PCDHA11: variants seen among roughly 807,000 people sequenced by gnomAD.
PCDHA11 encodes protocadherin alpha 11.
A neutral mutation model predicts 70.3 loss-of-function variants in PCDHA11; 61 were observed. The ratio of observed to expected loss-of-function variants is 0.87; its 90% CI spans 0.71 to 1.07. The LOEUF (loss-of-function observed/expected upper bound fraction) is 1.07. PCDHA11 is among the 50% of genes least tolerant of loss of function. The pLI is 0.00. For missense variants in PCDHA11, 1,324 were observed against 1,237.5 expected (o/e 1.07, Z -1.05); for synonymous variants, 633 against 555.1 (o/e 1.14, Z -1.97).
At chr5:140,969,235 A>G (rs781795606) in intron 1 of PCDHA11, 2 of 1,614,206 alleles carry the variant, frequency 1.2e-6, no homozygotes, top group Non-Finnish European at 1.7e-6. Flanking sequence ...CGGGAGCCCA[A>G]GCAGCAGTGA....
chr5:140,882,539 G>A (rs1303287274), intron 1 of PCDHA11: 2 of 1,614,110 alleles, frequency 1.2e-6, no homozygotes, highest in African/African-American at 2.7e-5. Flanking sequence ...TTCTCGGATC[G>A]ACCGCGAGGA....
chr5:140,997,123 A>T (rs1409528818), intron 3 of PCDHA11, among the ~76,000 whole-genome samples: 1 of 152,070 alleles, frequency 6.6e-6, no homozygotes, highest in African/African-American at 2.4e-5. Flanking sequence ...TCCCACATAC[A>T]CAATGCCCCC....
At position 140,873,044 on chromosome 5, in the gene PCDHA11, A is replaced by T. The variant is rs115529200; in HGVS notation, c.2391+1550A>T. Among the ~76,000 whole-genome samples, 1,019 of 152,290 alleles carry T rather than the reference A, an allele frequency of 6.7e-3. 5 individuals are homozygous for T. Among genetic ancestry groups the T allele is most frequent in the Admixed American group, 0.012 (189 of 15,302 alleles). On this transcript the variant is annotated intron_variant, in intron 1 of 3. Coordinates refer to ENST00000398640, the MANE Select transcript of PCDHA11 (RefSeq NM_018902.5). ...TTCTTACTACACGTAGAGTGGTGGT[A>T]TTACAGACTTTCTTGAGAATCATAT...
In PCDHA11 at chr5:140,869,570, G is replaced by A; in HGVS notation, c.467G>A (p.Gly156Glu). Reference sequence around the variant, plus strand: ...TCGGACTCGCGTTTTCCACTAGAGGGAGCTTCTGATGCTGACATTGAAGAG... The same window carrying A: ...TCGGACTCGCGTTTTCCACTAGAGGAAGCTTCTGATGCTGACATTGAAGAG... ...KQSDSRFPLE[G>E]ASDADIEENA... Residue 156 changes from glycine to glutamate, a missense_variant, in exon 1 of 4, where the codon GGA (glycine) becomes GAA (glutamate). By Grantham distance (98) the Gly-to-Glu change is moderately conservative (BLOSUM62 -2). Coordinates refer to ENST00000398640, the MANE Select transcript of PCDHA11 (RefSeq NM_018902.5). 6.2e-7 allele frequency: 1 copy of A among 1,614,148 alleles called. No individual in the cohort carries two copies.
intron 1 of PCDHA11, among the ~76,000 whole-genome samples, chr5:140,890,695 A>T (rs1196447488): frequency 6.6e-6 from 1 of 152,200 alleles, no homozygotes; most frequent in Non-Finnish European, 1.5e-5. Context: ...AAATGCAGGG[A>T]CCTTACATTT....
chr5:140,871,017 G>C lies in PCDHA11; in HGVS notation c.1914G>C (p.Glu638Asp). 2 of 1,613,298 alleles carry C rather than the reference G, an allele frequency of 1.2e-6. No homozygotes were observed. Among genetic ancestry groups the C allele is most frequent in the Non-Finnish European group, 8.5e-7 (1 of 1,179,846 alleles). ...GEISTTRALD[E>D]ADSPRHRLLV... ...TAAGCACAACGCGTGCCCTGGACGA[G>C]GCAGACTCGCCGCGCCACCGACTTC... The change falls in exon 1 of 4, where the codon GAG becomes GAC. Residue 638 changes from glutamate to aspartate, a missense_variant. Coordinates refer to ENST00000398640, the MANE Select transcript of PCDHA11 (RefSeq NM_018902.5).
intron 1 of PCDHA11, chr5:140,875,344 A>C: frequency 6.9e-7 from 1 of 1,442,996 alleles, no homozygotes; most frequent in Non-Finnish European, 9.1e-7. Flanking sequence ...TCGACTCCAT[A>C]ATGACTGTGA....
At chr5:140,993,107 A>G (rs2097540621) in intron 3 of PCDHA11, among the ~76,000 whole-genome samples, 1 of 152,218 alleles carries the variant, frequency 6.6e-6, no homozygotes, top group South Asian at 2.1e-4. Context: ...TTCAGCGGTC[A>G]GTGTCACATC....
intron 1 of PCDHA11, chr5:140,928,814 A>T (rs782622875): frequency 5.6e-6 from 9 of 1,614,150 alleles, no homozygotes; most frequent in Non-Finnish European, 7.6e-6. Context: ...GTTCGGGACC[A>T]TGGAGACCCA....
chr5:140,966,945 A>G, intron 1 of PCDHA11: 1 of 1,603,804 alleles, frequency 6.2e-7, no homozygotes, highest in Non-Finnish European at 8.5e-7. Flanking sequence ...CTCGTGGGCA[A>G]CGTGGCTCGC....
intron 3 of PCDHA11, among the ~76,000 whole-genome samples, chr5:140,983,513 CTG>C (rs1165213074): frequency 6.6e-6 from 1 of 152,196 alleles, no homozygotes; most frequent in Non-Finnish European, 1.5e-5. Context: ...TGCCTAGACA[CTG>C]TGCCAAGTAC....
chr5:140,947,920 A>G (rs1336638527), intron 1 of PCDHA11, among the ~76,000 whole-genome samples: 1 of 151,504 alleles, frequency 6.6e-6, no homozygotes, highest in African/African-American at 2.4e-5. Context: ...TCTTGCCTTA[A>G]CCCTGATCTT....
At chr5:140,900,100 A>G (rs1453942019) in intron 1 of PCDHA11, among the ~76,000 whole-genome samples, 1 of 152,162 alleles carries the variant, frequency 6.6e-6, no homozygotes, top group African/African-American at 2.4e-5. Flanking sequence ...ATGCGCCACC[A>G]TACCTGGCCT....
intron 3 of PCDHA11, among the ~76,000 whole-genome samples, chr5:140,999,748 G>A (rs1563643254): frequency 1.3e-5 from 2 of 152,188 alleles, no homozygotes; most frequent in South Asian, 2.1e-4. Flanking sequence ...ATCTGGGTTC[G>A]CAGCACATGA....
intron 1 of PCDHA11, among the ~76,000 whole-genome samples, chr5:140,874,989 A>G (rs1411320872): frequency 6.6e-6 from 1 of 152,218 alleles, no homozygotes; most frequent in Non-Finnish European, 1.5e-5. Context: ...ATTATTCTGT[A>G]TATCATTTTC....
At position 140,879,699 on chromosome 5, in the gene PCDHA11, A is replaced by G. The variant is rs952913043; in HGVS notation, c.2391+8205A>G. Among the ~76,000 whole-genome samples the G allele has an allele frequency of 2.6e-5, 4 of 152,218 alleles. No individual in the cohort carries two copies. In the South Asian group the frequency reaches 8.3e-4, roughly 32 times the overall value. The stretch of plus-strand genomic sequence containing the variant: ...TGCTGTAAAACAGCAAAAGTTTATT[A>G]TTTCTCAGTATTGGAGACCAGAAGT... On this transcript the variant is annotated intron_variant, in intron 1 of 3. Coordinates refer to ENST00000398640, the MANE Select transcript of PCDHA11 (RefSeq NM_018902.5).
intron 1 of PCDHA11, chr5:140,883,969 G>T (rs1398092888): frequency 5.6e-6 from 9 of 1,612,844 alleles, no homozygotes; most frequent in Non-Finnish European, 7.6e-6. Flanking sequence ...CGCTGCTGAC[G>T]CCCGGGGCTG....
At chr5:141,005,153 C>G (rs1408163088) in intron 3 of PCDHA11, among the ~76,000 whole-genome samples, 1 of 152,194 alleles carries the variant, frequency 6.6e-6, no homozygotes, top group East Asian at 1.9e-4. Flanking sequence ...GTTTGGTCTG[C>G]TAAAGAGTGG....
chr5:140,872,610 T>G (rs1270918795), intron 1 of PCDHA11, among the ~76,000 whole-genome samples: 3 of 152,146 alleles, frequency 2.0e-5, no homozygotes, highest in Non-Finnish European at 4.4e-5. Flanking sequence ...AAAATAATTT[T>G]TTTTGCCTGT....
Sources: allele counts gnomAD v4.1 joint callset (sites outside exome capture counted in the v4.1 genomes callset), GRCh38; gene constraint gnomAD v4.1.1; transcripts MANE v1.5; gene names NCBI Gene and HGNC (gene_info 2026-07-23, HGNC 2026-07-21).